Variants in ADAMTSL1 observed in about 807,000 individuals in gnomAD.
The protein encoded by ADAMTSL1 is ADAMTS-like protein 1.
A neutral mutation model predicts 201.8 loss-of-function variants in ADAMTSL1; 126 were observed. The observed-to-expected ratio is 0.62, with a 90% CI of 0.54 to 0.72. The LOEUF is 0.72. Among genes scored for constraint, ADAMTSL1 ranks in the 30% least tolerant of loss-of-function variants. The pLI is 0.00. For synonymous variants in ADAMTSL1, 1,121 were observed against 903.4 expected (o/e 1.24, Z -4.32); for missense variants, 2,679 against 2,277.8 (o/e 1.18, Z -3.59).
chr9:18,574,595 TTGTGTGTG>T, intron 4 of ADAMTSL1: 1 of 339,218 alleles, frequency 2.9e-6, no homozygotes, highest in Non-Finnish European at 5.3e-6. Flanking sequence ...GTGTTTGTGT[TTGTGTGTG>T]TGTGTGTGTG....
At chr9:18,460,938 A>T (rs1820785319) in intron 2 of ADAMTSL1, among the ~76,000 whole-genome samples, 1 of 152,204 alleles carries the variant, frequency 6.6e-6, no homozygotes, top group East Asian at 1.9e-4. Context: ...CTTTATAAAA[A>T]CATTTTATTG....
At chr9:18,893,781 A>G (rs1307131394) in intron 26 of ADAMTSL1, among the ~76,000 whole-genome samples, 2 of 152,236 alleles carry the variant, frequency 1.3e-5, no homozygotes, top group Non-Finnish European at 2.9e-5. Context: ...GAGACACAAA[A>G]AAATCCTTTT....
At chr9:18,469,480 G>A (rs1304269522), upstream of ADAMTSL1, among the ~76,000 whole-genome samples, 2 of 152,226 alleles carry the variant, frequency 1.3e-5, no homozygotes, top group South Asian at 2.1e-4. Flanking sequence ...TAACATTTGA[G>A]TTACCAAAGA....
intron 2 of ADAMTSL1, among the ~76,000 whole-genome samples, chr9:18,298,058 G>T (rs901784701): frequency 7.2e-5 from 11 of 152,208 alleles, no homozygotes; most frequent in African/African-American, 2.4e-4. Context: ...CTAACCCATT[G>T]TTTGTCAATT....
intron 2 of ADAMTSL1, among the ~76,000 whole-genome samples, chr9:18,366,197 A>G (rs957930525): frequency 3.3e-5 from 5 of 152,032 alleles, no homozygotes; most frequent in African/African-American, 1.2e-4. Context: ...TTCAATTTAT[A>G]TGGGTTTATG....
At chr9:18,047,413 A>G (rs562662059) in intron 1 of ADAMTSL1, among the ~76,000 whole-genome samples, 1 of 152,308 alleles carries the variant, frequency 6.6e-6, no homozygotes, top group Admixed American at 6.5e-5. Flanking sequence ...ACATCTTTAC[A>G]CAGGACAAGC....
chr9:18,079,067 C>T (rs1823358808), intron 1 of ADAMTSL1, among the ~76,000 whole-genome samples: 1 of 152,106 alleles, frequency 6.6e-6, no homozygotes, highest in Admixed American at 6.5e-5. Context: ...CGCTGAGTGG[C>T]CCCATAGATG....
intron 9 of ADAMTSL1, among the ~76,000 whole-genome samples, chr9:18,669,873 C>T (rs1017499639): frequency 2.0e-5 from 3 of 152,150 alleles, no homozygotes; most frequent in African/African-American, 4.8e-5. Context: ...GTAAGGTATT[C>T]AAGGTTACAT....
intron 1 of ADAMTSL1, among the ~76,000 whole-genome samples, chr9:17,994,014 T>A (rs1413816198): frequency 1.3e-5 from 2 of 152,066 alleles, no homozygotes; most frequent in Non-Finnish European, 2.9e-5. Context: ...AATTCGATTT[T>A]TTTTGCCCCT....
At chr9:18,716,940 G>A (rs972068251) in intron 14 of ADAMTSL1, among the ~76,000 whole-genome samples, 12 of 140,926 alleles carry the variant, frequency 8.5e-5, no homozygotes, top group African/African-American at 3.1e-4. Context: ...CCTTTGTAGG[G>A]ACATGGATGA....
chr9:18,659,158 G>A (rs1302486490), intron 8 of ADAMTSL1, among the ~76,000 whole-genome samples: 2 of 152,194 alleles, frequency 1.3e-5, no homozygotes, highest in Non-Finnish European at 2.9e-5. Context: ...CTAATCCACA[G>A]AAGTATCACT....
intron 1 of ADAMTSL1, among the ~76,000 whole-genome samples, chr9:18,106,190 C>T (rs1037693854): frequency 6.6e-6 from 1 of 152,164 alleles, no homozygotes; most frequent in Non-Finnish European, 1.5e-5. Flanking sequence ...CTTTGGCCCC[C>T]TAACTTGCAT....
chr9:18,657,817 T>G, intron 8 of ADAMTSL1, 67 bp downstream of exon 8: 1 of 1,308,096 alleles, frequency 7.6e-7, no homozygotes, highest in Non-Finnish European at 1.1e-6. Context: ...ATTATAAGAG[T>G]AGAGTTACTT....
chr9:18,123,369 T>C (rs186084587), intron 1 of ADAMTSL1, among the ~76,000 whole-genome samples: 1 of 152,320 alleles, frequency 6.6e-6, no homozygotes, highest in East Asian at 1.9e-4. Flanking sequence ...TGTGTGCCTC[T>C]TACTCACTTA....
At chr9:18,713,281 T>G (rs1184392711) in intron 14 of ADAMTSL1, among the ~76,000 whole-genome samples, 3 of 151,864 alleles carry the variant, frequency 2.0e-5, no homozygotes, top group Non-Finnish European at 2.9e-5. Flanking sequence ...GACTAAATGC[T>G]CCAATTAAAA....
chr9:18,578,162 T>C (rs371071377), intron 4 of ADAMTSL1, among the ~76,000 whole-genome samples: 2 of 152,190 alleles, frequency 1.3e-5, no homozygotes, highest in Non-Finnish European at 2.9e-5. Context: ...TGCTGGTGTT[T>C]ATCAACATTT....
chr9:18,059,690 C>G (rs1366654227), intron 1 of ADAMTSL1, among the ~76,000 whole-genome samples: 1 of 152,110 alleles, frequency 6.6e-6, no homozygotes, highest in Non-Finnish European at 1.5e-5. Context: ...TTGCTCTTGA[C>G]CTTGTACAAT....
intron 1 of ADAMTSL1, among the ~76,000 whole-genome samples, chr9:17,968,988 C>A (rs1201442804): frequency 6.6e-6 from 1 of 151,902 alleles, no homozygotes; most frequent in Admixed American, 6.6e-5. Context: ...CTTTGAGGCC[C>A]CTTTTTGAAT....
intron 19 of ADAMTSL1, among the ~76,000 whole-genome samples, chr9:18,784,598 G>C (rs2133794406): frequency 6.6e-6 from 1 of 152,288 alleles, no homozygotes; most frequent in Non-Finnish European, 1.5e-5. Flanking sequence ...CTGAGATTCT[G>C]TGACACAACT....
Sources: gnomAD v4.1 joint callset for allele counts (sites outside exome capture counted in the v4.1 genomes callset) on GRCh38, gnomAD v4.1.1 for gene constraint, MANE v1.5 for transcripts, NCBI Gene and HGNC (gene_info 2026-07-23, HGNC 2026-07-21) for gene names.